The following DYNC1I1 variants were observed in gnomAD, a reference collection of about 807,000 sequenced individuals.
DYNC1I1 encodes dynein cytoplasmic 1 intermediate chain 1, also known as cytoplasmic dynein 1 intermediate chain 1.
A neutral mutation model predicts 86.6 loss-of-function variants in DYNC1I1; 43 were observed. The observed-to-expected ratio is 0.50, with a 90% CI of 0.39 to 0.64. The LOEUF is 0.64. Ranked by LOEUF, DYNC1I1 falls within the 30% of genes least tolerant of loss-of-function variation. The pLI is 0.00. For synonymous variants in DYNC1I1, 262 were observed against 283.7 expected (o/e 0.92, Z 0.77); for missense variants, 604 against 788.8 (o/e 0.77, Z 2.81).
At chr7:95,910,208 T>A (rs1791296519) in intron 6 of DYNC1I1, among the ~76,000 whole-genome samples, 1 of 152,170 alleles carries the variant, frequency 6.6e-6, no homozygotes, top group Non-Finnish European at 1.5e-5. Context: ...GGCCTGTGAA[T>A]TATTTCTTCA....
At chr7:95,838,522 G>T (rs1304057690) in intron 5 of DYNC1I1, among the ~76,000 whole-genome samples, 1 of 152,088 alleles carries the variant, frequency 6.6e-6, no homozygotes, top group Non-Finnish European at 1.5e-5. Context: ...GTTATTCAAG[G>T]TCTTTTGGGG....
At chr7:95,865,244 C>T (rs998928634) in intron 5 of DYNC1I1, among the ~76,000 whole-genome samples, 30 of 152,126 alleles carry the variant, frequency 2.0e-4, no homozygotes, top group African/African-American at 6.5e-4. Context: ...TGTTTTCCCA[C>T]GGTTACTTAA....
At chr7:95,819,845 C>T (rs1795035633) in intron 4 of DYNC1I1, among the ~76,000 whole-genome samples, 1 of 152,096 alleles carries the variant, frequency 6.6e-6, no homozygotes, top group Admixed American at 6.6e-5. Context: ...TTTTTAATAT[C>T]ATTGTCTTCA....
intron 6 of DYNC1I1, among the ~76,000 whole-genome samples, chr7:95,968,733 A>G (rs969445118): frequency 6.6e-6 from 1 of 152,202 alleles, no homozygotes; most frequent in Non-Finnish European, 1.5e-5. Context: ...AGTAGATAGC[A>G]GAAGGGATTT....
chr7:95,999,310 T>C (rs1325553136), intron 10 of DYNC1I1, among the ~76,000 whole-genome samples: 1 of 152,108 alleles, frequency 6.6e-6, no homozygotes, highest in Admixed American at 6.5e-5. Context: ...ATGTTTAGAG[T>C]CTTAGCTTGG....
At chr7:96,109,118 T>C (rs1176745146) in intron 16 of DYNC1I1, among the ~76,000 whole-genome samples, 1 of 152,102 alleles carries the variant, frequency 6.6e-6, no homozygotes, top group Non-Finnish European at 1.5e-5. Flanking sequence ...GTTTTTTCCC[T>C]CCTTTTCTGA....
chr7:96,106,544 GA>G (rs896084440), intron 16 of DYNC1I1, among the ~76,000 whole-genome samples: 3 of 150,552 alleles, frequency 2.0e-5, no homozygotes, highest in African/African-American at 7.3e-5. Flanking sequence ...TCAAAAAAAA[GA>G]AAAAAAAGAG....
intron 6 of DYNC1I1, among the ~76,000 whole-genome samples, chr7:95,950,355 TTTTG>T (rs1310718167): frequency 3.3e-5 from 5 of 152,166 alleles, no homozygotes; most frequent in Non-Finnish European, 5.9e-5. Context: ...GGTGTGTGGT[TTTTG>T]TTTGTTTGCT....
intron 6 of DYNC1I1, among the ~76,000 whole-genome samples, chr7:95,963,078 T>A (rs1792915129): frequency 6.6e-6 from 1 of 152,172 alleles, no homozygotes; most frequent in Non-Finnish European, 1.5e-5. Context: ...TATATATTTG[T>A]ACATGCTTCT....
In DYNC1I1 at chr7:96,028,177, C is replaced by G; in HGVS notation, c.972C>G (p.Ser324=). The part of the protein sequence containing the change: ...TTPEYVFHCQ[S]SVMSVCFARF... ...CTCTCTCTCCTTTTCCCTGACAGTC[C>G]TCTGTGATGTCGGTCTGCTTCGCCC... The change falls in exon 11 of 17, where the codon TCC becomes TCG. Residue 324 remains serine (S), a splice_region_variant and synonymous_variant. Coordinates refer to ENST00000447467, the MANE Select transcript of DYNC1I1 (RefSeq NM_001135556.2). 1 of 1,613,710 alleles carries G rather than the reference C, an allele frequency of 6.2e-7. No individual in the cohort carries two copies. Among genetic ancestry groups the G allele is most frequent in the South Asian group, 1.1e-5 (1 of 91,036 alleles).
intron 6 of DYNC1I1, among the ~76,000 whole-genome samples, chr7:95,875,905 C>T (rs1405235994): frequency 1.3e-5 from 2 of 151,888 alleles, no homozygotes; most frequent in African/African-American, 4.8e-5. Flanking sequence ...CTTGTCCTTT[C>T]TCCATCCTAG....
At chr7:95,837,071 G>A (rs1439243879) in intron 5 of DYNC1I1, among the ~76,000 whole-genome samples, 1 of 151,122 alleles carries the variant, frequency 6.6e-6, no homozygotes, top group Non-Finnish European at 1.5e-5. Flanking sequence ...CAGTTTTTCT[G>A]TTCTGTTTTT....
In DYNC1I1 at chr7:96,032,743, T is replaced by C; in HGVS notation, c.1193T>C (p.Met398Thr). ...NLITVSTDGK[M>T]CSWSLDMLST... The stretch of plus-strand genomic sequence containing the variant: ...ATCACTGTCTCCACTGATGGCAAAA[T>C]GTGTTCCTGGAGCCTGGACATGCTC... The change falls in exon 12 of 17, where the codon ATG becomes ACG. Residue 398 changes from methionine to threonine, a missense_variant. By Grantham distance (81) the Met-to-Thr change is moderately conservative. Transcript: ENST00000447467. 1.2e-6 allele frequency: 2 copies of C among 1,613,740 alleles called. No individual in the cohort carries two copies. The highest frequency in any genetic ancestry group is 1.7e-6 in the Non-Finnish European group (2 of 1,179,734).
intron 5 of DYNC1I1, among the ~76,000 whole-genome samples, chr7:95,858,969 A>C (rs546191478): frequency 2.0e-5 from 3 of 146,900 alleles, no homozygotes; most frequent in East Asian, 3.9e-4. Flanking sequence ...TTAATATATA[A>C]ATGTATAAGA....
At chr7:95,950,466 T>A (rs1297789764) in intron 6 of DYNC1I1, among the ~76,000 whole-genome samples, 1 of 152,192 alleles carries the variant, frequency 6.6e-6, no homozygotes, top group African/African-American at 2.4e-5. Flanking sequence ...TGTGGGATCA[T>A]CAATGAAAAA....
chr7:96,019,460 C>T (rs1173940214), intron 10 of DYNC1I1, among the ~76,000 whole-genome samples: 1 of 151,886 alleles, frequency 6.6e-6, no homozygotes, highest in Non-Finnish European at 1.5e-5. Context: ...TACTAATGCC[C>T]CAGTCGCACC....
rs1206077342 is a variant in DYNC1I1 at position 96,030,073 on chromosome 7, G to T, written c.1116+1752G>T. 1.3e-5 allele frequency among the ~76,000 whole-genome samples: 2 copies of T among 151,466 alleles called. 1 individual carries two copies. On this transcript the variant is annotated intron_variant, in intron 11 of 16. Transcript: ENST00000447467. ...TAGCTAAAAGTGAACAGTTAATTTTGTGACTGTCTTTCAACTTTCACTATT... is the reference window on the plus strand; with the variant it reads ...TAGCTAAAAGTGAACAGTTAATTTTTTGACTGTCTTTCAACTTTCACTATT...
At chr7:95,898,460 A>G (rs1175464656) in intron 6 of DYNC1I1, among the ~76,000 whole-genome samples, 3 of 152,154 alleles carry the variant, frequency 2.0e-5, no homozygotes, top group East Asian at 3.9e-4. Context: ...TGCTATTTAC[A>G]TATAACATCT....
chr7:95,859,399 A>G (rs1237596602), intron 5 of DYNC1I1, among the ~76,000 whole-genome samples: 1 of 152,178 alleles, frequency 6.6e-6, no homozygotes, highest in Non-Finnish European at 1.5e-5. Context: ...TCTCAAGGTC[A>G]TGCATCAGTG....
Sources: gnomAD v4.1 joint callset for allele counts (sites outside exome capture counted in the v4.1 genomes callset) on GRCh38, gnomAD v4.1.1 for gene constraint, MANE v1.5 for transcripts, NCBI Gene and HGNC (gene_info 2026-07-23, HGNC 2026-07-21) for gene names.